Variants in CRISP1 observed in about 807,000 individuals in gnomAD.
CRISP1 encodes cysteine rich secretory protein 1, also known as cysteine-rich secretory protein 1.
In CRISP1, 44 loss-of-function variants were observed where a neutral mutation model predicts 33.1. The observed-to-expected ratio is 1.33, with a 90% CI of 1.05 to 1.71. The LOEUF (loss-of-function observed/expected upper bound fraction) is 1.71, where lower values mean the gene tolerates loss of function less well. Ranked by LOEUF, CRISP1 falls within the 40% of genes most tolerant of loss-of-function variation. CRISP1 has a pLI of 0.00. For synonymous variants in CRISP1, 103 were observed against 98.7 expected (o/e 1.04, Z -0.26); for missense variants, 390 against 301.2 (o/e 1.29, Z -2.18).
intron 1 of CRISP1, among the ~76,000 whole-genome samples, chr6:49,863,209 T>C (rs1391016061): frequency 6.6e-6 from 1 of 152,112 alleles, no homozygotes; most frequent in Non-Finnish European, 1.5e-5. Flanking sequence ...AAAATATAAA[T>C]GGGCCCAGGG....
intron 2 of CRISP1, 57 bp from the exon 3 acceptor site, chr6:49,852,186 A>G (rs901949027): frequency 6.4e-7 from 1 of 1,568,830 alleles, no homozygotes; most frequent in African/African-American, 1.4e-5. Flanking sequence ...TTTGTCACAT[A>G]TATTTTGCAG....
Position 49,857,420 on chromosome 6 carries a change from C to T in CRISP1, c.-2-18G>A, listed in dbSNP as rs1247569612. The stretch of plus-strand genomic sequence containing the variant: ...TTCCATCCCTGAAAGAAAAATAACA[C>T]AATTTTAGATTATTCTCAATTCATG... On this transcript the variant is annotated intron_variant, in intron 1 of 7. Transcript: ENST00000335847. The T allele has an allele frequency of 4.4e-6, 7 of 1,606,146 alleles. No individual in the cohort carries two copies. Among genetic ancestry groups the T allele is most frequent in the South Asian group, 3.3e-5 (3 of 90,774 alleles).
rs2127472938 is a variant in CRISP1 at position 49,848,209 on chromosome 6, T to C, written c.286A>G (p.Asn96Asp). ...GCGGGTCATATAGATACACACTTAC[T>C]TGGAAGTCTCCTCTCAAGGGGGTTG... ...ESNPLERRLP[N>D]TFCGENMHMT... The change falls in exon 4 of 8, where the codon AAT (asparagine) becomes GAT (aspartate). Residue 96 changes from asparagine to aspartate, a missense_variant and splice_region_variant. By Grantham distance (23) the Asn-to-Asp change is conservative. Transcript: ENST00000335847. The C allele has an allele frequency of 6.4e-7, 1 of 1,572,718 alleles. No individual in the cohort carries two copies. The highest frequency in any genetic ancestry group is 8.6e-7 in the Non-Finnish European group (1 of 1,160,874).
At chr6:49,872,951 G>A (rs1160984908) in intron 1 of CRISP1, among the ~76,000 whole-genome samples, 1 of 152,038 alleles carries the variant, frequency 6.6e-6, no homozygotes, top group Non-Finnish European at 1.5e-5. Context: ...GTCATTGGTA[G>A]CTTGATGGGG....
chr6:49,850,397 A>G (rs1420320826), intron 3 of CRISP1, among the ~76,000 whole-genome samples: 1 of 152,108 alleles, frequency 6.6e-6, no homozygotes, highest in East Asian at 1.9e-4. Flanking sequence ...GACATATTCA[A>G]AATTAAAATT....
At chr6:49,866,089 A>G (rs1251696426) in intron 1 of CRISP1, among the ~76,000 whole-genome samples, 1 of 152,170 alleles carries the variant, frequency 6.6e-6, no homozygotes, top group African/African-American at 2.4e-5. Context: ...AGCATTTTCA[A>G]TATTTTGTGA....
chr6:49,835,557 T>C, intron 7 of CRISP1, 114 bp from the exon 8 acceptor site: 1 of 978,914 alleles, frequency 1.0e-6, no homozygotes. Flanking sequence ...AATTGCTAAC[T>C]AAATTTAATT....
At chr6:49,839,493 T>TAG (rs1340273972) in intron 6 of CRISP1, among the ~76,000 whole-genome samples, 1 of 151,956 alleles carries the variant, frequency 6.6e-6, no homozygotes, top group Non-Finnish European at 1.5e-5. Flanking sequence ...TACCCATGTA[T>TAG]GTCTAAAAAC....
At position 49,835,213 on chromosome 6, in the gene CRISP1, A is replaced by C. The variant is rs987612712; in HGVS notation, c.*103T>G. The C allele has an allele frequency of 7.3e-6, 9 of 1,239,768 alleles. No homozygotes were observed. Among genetic ancestry groups the C allele is most frequent in the South Asian group, 1.6e-5 (1 of 64,144 alleles). The allele number at this position is 1,239,768 out of a possible 1,614,324, so 76.8% of individuals were successfully genotyped here. A position where few individuals can be genotyped will look rare whatever the true frequency, so the allele number is the denominator to read the frequency against. ...TAAGGTCTCCAGCATGATTAAAATCAGTGAAATTTAGCAGAAGCTACTGAA... is the reference window on the plus strand; with the variant it reads ...TAAGGTCTCCAGCATGATTAAAATCCGTGAAATTTAGCAGAAGCTACTGAA... On this transcript the variant is annotated 3_prime_UTR_variant, in exon 8 of 8. Coordinates refer to ENST00000335847, the MANE Select transcript of CRISP1 (RefSeq NM_001131.3).
At position 49,859,589 on chromosome 6, in the gene CRISP1, C is replaced by A. The variant is rs1370927340; in HGVS notation, c.-2-2187G>T. Among the ~76,000 whole-genome samples the A allele has an allele frequency of 2.0e-5, 3 of 152,036 alleles. No homozygotes were observed. The East Asian group carries it at 5.8e-4, about 29-fold the overall frequency. On this transcript the variant is annotated intron_variant, in intron 1 of 7. Transcript: ENST00000335847. ...ATGGAAGTGAAAAGATATCTACCAT[C>A]ATGAAAACACACAAAAGTATTAAAC... is the stretch of plus-strand genomic sequence containing the variant.
chr6:49,863,292 T>C (rs1771704084), intron 1 of CRISP1, among the ~76,000 whole-genome samples: 3 of 152,280 alleles, frequency 2.0e-5, no homozygotes, highest in Admixed American at 2.0e-4. Flanking sequence ...TATCCCAATG[T>C]TCCAATAGGA....
chr6:49,835,129 T>C lies in CRISP1; in HGVS notation c.*187A>G. 2.0e-6 allele frequency: 1 copy of C among 510,756 alleles called. No homozygotes were observed. The highest frequency in any genetic ancestry group is 3.2e-5 in the East Asian group (1 of 31,532). The allele number at this position is 510,756 out of a possible 1,614,324, so 31.6% of individuals were successfully genotyped here. A position where few individuals can be genotyped will look rare whatever the true frequency, so the allele number is the denominator to read the frequency against. The stretch of plus-strand genomic sequence containing the variant: ...AAGGCAGGTGTTGGACTTGACCTTT[T>C]ACTCCAGCACTAAGAAAGTTTAAAA... On this transcript the variant is annotated 3_prime_UTR_variant, in exon 8 of 8. Coordinates refer to ENST00000335847, the MANE Select transcript of CRISP1 (RefSeq NM_001131.3).
rs1771168461 is a variant in CRISP1, at chr6:49,846,387, A to G, written c.435+133T>C. 9.8e-6 allele frequency: 9 copies of G among 917,016 alleles called. No homozygotes were observed. The South Asian group carries it at 1.3e-4, about 13-fold the overall frequency. The allele number at this position is 917,016 out of a possible 1,614,324, so 56.8% of individuals were successfully genotyped here. ...AGAACACTTCCTTCTATTTCAAATT[A>G]TAAGAGGAACTCAGTAAATTGAGTA... On this transcript the variant is annotated intron_variant, in intron 5 of 7. Transcript: ENST00000335847.
At chr6:49,869,284 GC>G (rs1771870039), upstream of CRISP1, among the ~76,000 whole-genome samples, 1 of 152,084 alleles carries the variant, frequency 6.6e-6, no homozygotes, top group South Asian at 2.1e-4. Context: ...TTGGTGCGAA[GC>G]CCTAGTTGCT....
At chr6:49,868,663 G>A (rs574285567), upstream of CRISP1, among the ~76,000 whole-genome samples, 6 of 152,084 alleles carry the variant, frequency 3.9e-5, no homozygotes, top group South Asian at 1.2e-3. Flanking sequence ...TTATCCACTG[G>A]ACACAGACAT....
intron 3 of CRISP1, among the ~76,000 whole-genome samples, chr6:49,851,062 C>T (rs1405089466): frequency 6.6e-6 from 1 of 152,156 alleles, no homozygotes; most frequent in Non-Finnish European, 1.5e-5. Flanking sequence ...ATAATAAACA[C>T]ATGTATGTTG....
At chr6:49,871,711 C>T (rs1484246891) in intron 1 of CRISP1, among the ~76,000 whole-genome samples, 1 of 151,810 alleles carries the variant, frequency 6.6e-6, no homozygotes, top group Non-Finnish European at 1.5e-5. Context: ...CATCCATGTC[C>T]CTACAAAGGA....
chr6:49,855,261 T>C (rs997188886), intron 2 of CRISP1, among the ~76,000 whole-genome samples: 5 of 152,154 alleles, frequency 3.3e-5, no homozygotes, highest in Non-Finnish European at 7.4e-5. Flanking sequence ...TCTTTCATAA[T>C]GCATTCTCCA....
chr6:49,859,866 A>T (rs1771600035), intron 1 of CRISP1, among the ~76,000 whole-genome samples: 1 of 152,186 alleles, frequency 6.6e-6, no homozygotes. Context: ...TCTATAAGAA[A>T]GTCATCTCAC....
Sources: allele counts gnomAD v4.1 joint callset (sites outside exome capture counted in the v4.1 genomes callset), GRCh38; gene constraint gnomAD v4.1.1; transcripts MANE v1.5; gene names NCBI Gene and HGNC (gene_info 2026-07-23, HGNC 2026-07-21).